ARHGAP20: variants seen among roughly 807,000 people sequenced by gnomAD.
ARHGAP20 encodes the protein rho GTPase-activating protein 20.
In ARHGAP20, 34 loss-of-function variants were observed where a neutral mutation model predicts 73.7. The ratio of observed to expected loss-of-function variants is 0.46; its 90% CI spans 0.35 to 0.61. The LOEUF (loss-of-function observed/expected upper bound fraction) is 0.61, where lower values mean the gene tolerates loss of function less well. Ranked by LOEUF, ARHGAP20 falls within the 20% of genes least tolerant of loss-of-function variation. The pLI is 0.00. For missense variants in ARHGAP20, 1,314 were observed against 1,420.9 expected (o/e 0.92, Z 1.21); for synonymous variants, 523 against 518.2 (o/e 1.01, Z -0.13).
intron 1 of ARHGAP20, among the ~76,000 whole-genome samples, chr11:110,699,133 A>T (rs889896357): frequency 2.0e-5 from 3 of 151,728 alleles, no homozygotes; most frequent in African/African-American, 7.2e-5. Context: ...TGTTTTGAAA[A>T]TTTTTTTGAT....
chr11:110,619,812 T>G (rs1948590275), intron 4 of ARHGAP20, among the ~76,000 whole-genome samples: 1 of 152,050 alleles, frequency 6.6e-6, no homozygotes, highest in Non-Finnish European at 1.5e-5. Context: ...GTATATGCAG[T>G]GATAGAGTAT....
At chr11:110,591,733 C>A (rs1014098858) in intron 10 of ARHGAP20, among the ~76,000 whole-genome samples, 1 of 152,184 alleles carries the variant, frequency 6.6e-6, no homozygotes, top group Non-Finnish European at 1.5e-5. Context: ...GTCTGCAGGG[C>A]AAATTCTGCT....
chr11:110,677,512 G>C (rs1215813300), intron 2 of ARHGAP20, among the ~76,000 whole-genome samples: 1 of 152,088 alleles, frequency 6.6e-6, no homozygotes, highest in Non-Finnish European at 1.5e-5. Context: ...AGGTGTGGTG[G>C]TATGCACCTG....
chr11:110,670,280 A>G (rs942187936), intron 2 of ARHGAP20, among the ~76,000 whole-genome samples: 1 of 152,140 alleles, frequency 6.6e-6, no homozygotes, highest in Admixed American at 6.6e-5. Flanking sequence ...TAGAAAAGCT[A>G]CAAAACTAGA....
chr11:110,666,817 C>T (rs1949733261), intron 2 of ARHGAP20, among the ~76,000 whole-genome samples: 1 of 152,164 alleles, frequency 6.6e-6, no homozygotes, highest in African/African-American at 2.4e-5. Flanking sequence ...TGTGAATTAA[C>T]ACATGAGTGA....
At chr11:110,683,029 A>T (rs976067113) in intron 2 of ARHGAP20, among the ~76,000 whole-genome samples, 2 of 152,162 alleles carry the variant, frequency 1.3e-5, no homozygotes, top group African/African-American at 4.8e-5. Context: ...TCTTGCAAAC[A>T]GCCCAAACGC....
rs193108109 is a variant in ARHGAP20, at chr11:110,593,270, C to T, written c.965-1115G>A. Among the ~76,000 whole-genome samples, 487 of 152,002 alleles carry T rather than the reference C, an allele frequency of 3.2e-3. 3 individuals are homozygous for T. The highest frequency in any genetic ancestry group is 0.011 in the African/African-American group (451 of 41,454). The stretch of plus-strand genomic sequence containing the variant: ...AAGGTATGGTTTTATACCATAGTGC[C>T]GAAATGTTTTTGGTGTCATTTGTGT... On this transcript the variant is annotated intron_variant, in intron 9 of 14. Transcript: ENST00000683387.
At chr11:110,599,634 G>T (rs888340628) in intron 9 of ARHGAP20, among the ~76,000 whole-genome samples, 32 of 152,282 alleles carry the variant, frequency 2.1e-4, no homozygotes, top group Non-Finnish European at 4.6e-4. Flanking sequence ...GTGGGAACTT[G>T]TGGTGCTTTT....
In ARHGAP20 at chr11:110,630,639, C is replaced by T; in HGVS notation, c.342G>A (p.Val114=). Reference sequence around the variant, plus strand: ...TATAGTATACATACTTGATTTTGGCCACAACAAACAGATCATTGAATAGGA... The same window carrying T: ...TATAGTATACATACTTGATTTTGGCTACAACAAACAGATCATTGAATAGGA... ...HLFLFNDLFV[V]AKIKYNNNFK... The change falls in exon 3 of 15, where the codon GTG becomes GTA. Residue 114 remains valine, a synonymous_variant. Transcript: ENST00000683387. 6.2e-7 allele frequency: 1 copy of T among 1,613,682 alleles called. No homozygotes were observed.
intron 9 of ARHGAP20, among the ~76,000 whole-genome samples, chr11:110,594,585 A>T (rs989619536): frequency 6.6e-6 from 1 of 152,180 alleles, no homozygotes; most frequent in African/African-American, 2.4e-5. Context: ...ACTTAAGTAA[A>T]GCAGTTTCTT....
intron 4 of ARHGAP20, among the ~76,000 whole-genome samples, chr11:110,619,687 A>T (rs1478304724): frequency 9.8e-6 from 1 of 102,324 alleles, no homozygotes; most frequent in Non-Finnish European, 2.2e-5. Context: ...GATAGAGTAT[A>T]TGTAGTGATA....
intron 2 of ARHGAP20, among the ~76,000 whole-genome samples, chr11:110,672,303 C>G (rs1278501497): frequency 6.6e-6 from 1 of 152,134 alleles, no homozygotes; most frequent in African/African-American, 2.4e-5. Flanking sequence ...TCTTTCAACT[C>G]TACAAGTTTA....
rs529667935 is a variant in ARHGAP20 at position 110,711,873 on chromosome 11, G to C, written c.105+254C>G. The C allele has an allele frequency of 3.0e-6, 4 of 1,314,346 alleles. No homozygotes were observed. The African/African-American group carries it at 4.6e-5, about 15-fold the overall frequency. The allele number at this position is 1,314,346 out of a possible 1,614,324, so 81.4% of individuals were successfully genotyped here. ...ACCGGCGGCGGATGGAGACGGGAGG[G>C]AGGCTGCGAGGTCGCTCGAGGAGAG... On this transcript the variant is annotated intron_variant, in intron 1 of 14. Transcript: ENST00000683387.
At chr11:110,693,291 G>C (rs535451708) in intron 1 of ARHGAP20, among the ~76,000 whole-genome samples, 2 of 151,796 alleles carry the variant, frequency 1.3e-5, no homozygotes, top group African/African-American at 4.8e-5. Context: ...TCCATTGTTC[G>C]TACTCAGACT....
intron 2 of ARHGAP20, among the ~76,000 whole-genome samples, chr11:110,658,153 T>C (rs1480456456): frequency 6.6e-6 from 1 of 152,222 alleles, no homozygotes; most frequent in Non-Finnish European, 1.5e-5. Context: ...GAAGTATTCA[T>C]GCCTACTCCT....
chr11:110,604,594 T>C (rs1948181072), intron 9 of ARHGAP20, among the ~76,000 whole-genome samples: 1 of 152,186 alleles, frequency 6.6e-6, no homozygotes, highest in African/African-American at 2.4e-5. Context: ...ATACCCTTTA[T>C]AAAAATCCCT....
At chr11:110,656,590 A>G (rs1949472225) in intron 2 of ARHGAP20, among the ~76,000 whole-genome samples, 1 of 152,152 alleles carries the variant, frequency 6.6e-6, no homozygotes, top group Non-Finnish European at 1.5e-5. Context: ...CTCCCCAGGA[A>G]GTAACAGAAG....
In ARHGAP20 at chr11:110,579,064, A is replaced by C; in HGVS notation, c.*306T>G. ...GACATCAATCTCACAGACTGTTCCC[A>C]TAAGTGCTTCCTCTGCAGAAGATGC... On this transcript the variant is annotated 3_prime_UTR_variant, in exon 15 of 15. Coordinates refer to ENST00000683387, the MANE Select transcript of ARHGAP20 (RefSeq NM_001384657.1). The C allele has an allele frequency of 4.4e-5, 45 of 1,025,748 alleles. No homozygotes were observed. Among genetic ancestry groups the C allele is most frequent in the Non-Finnish European group, 5.3e-5 (45 of 853,394 alleles). The allele number at this position is 1,025,748 out of a possible 1,614,324, so 63.5% of individuals were successfully genotyped here. A position where few individuals can be genotyped will look rare whatever the true frequency, so the allele number is the denominator to read the frequency against.
At chr11:110,613,345 G>A (rs1948411289) in intron 6 of ARHGAP20, among the ~76,000 whole-genome samples, 1 of 152,212 alleles carries the variant, frequency 6.6e-6, no homozygotes, top group Non-Finnish European at 1.5e-5. Flanking sequence ...CTATTTGGGG[G>A]AATCACTCTG....
Sources: gnomAD v4.1 joint callset for allele counts (sites outside exome capture counted in the v4.1 genomes callset) on GRCh38, gnomAD v4.1.1 for gene constraint, MANE v1.5 for transcripts, NCBI Gene and HGNC (gene_info 2026-07-23, HGNC 2026-07-21) for gene names.